The following PTPRD variants were observed in gnomAD, a reference collection of about 807,000 sequenced individuals.
The protein encoded by PTPRD is receptor-type tyrosine-protein phosphatase delta.
Under a neutral mutation model 214.5 loss-of-function variants are expected in PTPRD, and 34 were observed. The observed-to-expected ratio is 0.16, with a 90% confidence interval of 0.12 to 0.21. PTPRD has a LOEUF of 0.21. Ranked by LOEUF, PTPRD falls within the 10% of genes least tolerant of loss-of-function variation. PTPRD has a pLI of 1.00. For synonymous variants in PTPRD, 1,128 were observed against 845.7 expected (o/e 1.33, Z -5.79); for missense variants, 2,545 against 2,398.7 (o/e 1.06, Z -1.27).
intron 9 of PTPRD, among the ~76,000 whole-genome samples, chr9:9,305,674 T>C (rs1007962520): frequency 9.9e-5 from 15 of 152,082 alleles, no homozygotes; most frequent in African/African-American, 3.6e-4. Context: ...TGAGGTCATA[T>C]TGAATTAGGA....
At chr9:10,348,104 T>A (rs1300417458) in intron 2 of PTPRD, among the ~76,000 whole-genome samples, 1 of 152,166 alleles carries the variant, frequency 6.6e-6, no homozygotes, top group South Asian at 2.1e-4. Context: ...AGTCACACTA[T>A]TTATCTATCA....
chr9:9,275,330 T>C lies in PTPRD; in HGVS notation c.-202-91967A>G, dbSNP rs149780232. Among the ~76,000 whole-genome samples, 411 of 146,558 alleles carry C rather than the reference T, an allele frequency of 2.8e-3. 2 individuals are homozygous for C. The highest frequency in any genetic ancestry group is 7.1e-3 in the Admixed American group (101 of 14,192). On this transcript the variant is annotated intron_variant, in intron 9 of 45. Coordinates refer to ENST00000381196, the MANE Select transcript of PTPRD (RefSeq NM_002839.4). ...TAGTGAGGGAAGGTCAGTTGAAAGTTATTCTCAGAAAAAACTTATATTGTA... is the reference window on the plus strand; with the variant it reads ...TAGTGAGGGAAGGTCAGTTGAAAGTCATTCTCAGAAAAAACTTATATTGTA...
chr9:9,655,598 ACCAAACCAAACCAAACCAAG>A (rs1313052574), intron 7 of PTPRD, among the ~76,000 whole-genome samples: 45 of 151,792 alleles, frequency 3.0e-4, no homozygotes, highest in African/African-American at 1.0e-3. Context: ...ACCAAACCAA[ACCAAACCAAACCAAACCAAG>A]CCAAACCAAA....
At chr9:9,954,297 CAAAAAAAAA>C (rs781628679) in intron 4 of PTPRD, among the ~76,000 whole-genome samples, 14 of 53,776 alleles carry the variant, frequency 2.6e-4, no homozygotes, top group African/African-American at 7.2e-4. Flanking sequence ...TGTCTCAAAA[CAAAAAAAAA>C]AAAAAAAAAA....
chr9:10,284,187 C>A (rs2095260407), intron 3 of PTPRD, among the ~76,000 whole-genome samples: 1 of 152,024 alleles, frequency 6.6e-6, no homozygotes, highest in Admixed American at 6.6e-5. Flanking sequence ...ACATATTTGG[C>A]ACTCCAGCCT....
chr9:9,050,935 C>T (rs1480175839), intron 10 of PTPRD, among the ~76,000 whole-genome samples: 2 of 152,180 alleles, frequency 1.3e-5, no homozygotes, highest in African/African-American at 4.8e-5. Flanking sequence ...CAGGCATCCA[C>T]TGGGGTCTTG....
intron 11 of PTPRD, among the ~76,000 whole-genome samples, chr9:8,957,147 C>T (rs963904249): frequency 3.3e-5 from 5 of 151,856 alleles, no homozygotes; most frequent in African/African-American, 1.2e-4. Context: ...AATCTTGACT[C>T]TCTCCTGGCT....
intron 35 of PTPRD, among the ~76,000 whole-genome samples, chr9:8,420,064 G>C (rs1307410730): frequency 3.9e-5 from 6 of 152,048 alleles, no homozygotes; most frequent in Non-Finnish European, 8.8e-5. Context: ...AACAAACGTA[G>C]ACAAAAATGC....
chr9:8,358,923 C>A (rs947199517), intron 39 of PTPRD, among the ~76,000 whole-genome samples: 2 of 150,610 alleles, frequency 1.3e-5, no homozygotes, highest in Non-Finnish European at 1.5e-5. Context: ...CTGGCTAACA[C>A]GGTGAAACCC....
intron 3 of PTPRD, among the ~76,000 whole-genome samples, chr9:10,083,121 C>T (rs1472916257): frequency 6.6e-6 from 1 of 151,866 alleles, no homozygotes; most frequent in African/African-American, 2.4e-5. Context: ...ATATTCTATA[C>T]CCTATAAAAT....
At chr9:8,813,779 T>G (rs1461761666) in intron 11 of PTPRD, among the ~76,000 whole-genome samples, 1 of 152,248 alleles carries the variant, frequency 6.6e-6, no homozygotes, top group Admixed American at 6.5e-5. Context: ...GTTCCTGAGC[T>G]ACTTTGTTAA....
At chr9:9,654,232 A>G (rs899892281) in intron 7 of PTPRD, among the ~76,000 whole-genome samples, 1 of 152,178 alleles carries the variant, frequency 6.6e-6, no homozygotes, top group African/African-American at 2.4e-5. Context: ...TAATCTTAAT[A>G]TCTTTAGTAA....
chr9:8,826,300 T>A (rs10815965), intron 11 of PTPRD, among the ~76,000 whole-genome samples: 72,360 of 151,922 alleles, frequency 0.48, 18,033 homozygotes, highest in African/African-American at 0.63. Flanking sequence ...CCAGAATAAT[T>A]TATATATTTT....
chr9:9,743,771 A>ACAC (rs1218520561), intron 6 of PTPRD, among the ~76,000 whole-genome samples: 4,755 of 118,676 alleles, frequency 0.04, 194 homozygotes, highest in African/African-American at 0.092. Context: ...CACACACACA[A>ACAC]TTTATACTGA....
intron 5 of PTPRD, among the ~76,000 whole-genome samples, chr9:9,871,844 G>A (rs994529990): frequency 6.6e-6 from 1 of 152,120 alleles, no homozygotes; most frequent in African/African-American, 2.4e-5. Flanking sequence ...GGAGGGGTTG[G>A]CTTGATCTTT....
intron 34 of PTPRD, chr9:8,437,327 A>T: frequency 9.2e-7 from 1 of 1,089,474 alleles, no homozygotes; most frequent in African/African-American, 1.6e-5. Context: ...TATTTTTTAA[A>T]AGGACTAATT....
chr9:10,413,007 T>C (rs1162260146), intron 2 of PTPRD, among the ~76,000 whole-genome samples: 1 of 151,724 alleles, frequency 6.6e-6, no homozygotes, highest in African/African-American at 2.4e-5. Flanking sequence ...ACCAACATCA[T>C]ACCAAAAAGG....
At chr9:8,485,638 C>A in intron 28 of PTPRD, 124 bp downstream of exon 28, 2 of 884,410 alleles carry the variant, frequency 2.3e-6, no homozygotes, top group Non-Finnish European at 3.4e-6. Context: ...ACATACTTTA[C>A]CTTTTTGTTT....
intron 11 of PTPRD, among the ~76,000 whole-genome samples, chr9:8,950,399 G>C (rs1290208108): frequency 6.6e-6 from 1 of 151,784 alleles, no homozygotes; most frequent in East Asian, 1.9e-4. Flanking sequence ...TATGGAGAAG[G>C]GTATGTGAGT....
Sources: allele counts gnomAD v4.1 joint callset (sites outside exome capture counted in the v4.1 genomes callset), GRCh38; gene constraint gnomAD v4.1.1; transcripts MANE v1.5; gene names NCBI Gene and HGNC (gene_info 2026-07-23, HGNC 2026-07-21).